MEIS1: variants seen among roughly 807,000 people sequenced by gnomAD.
MEIS1 encodes the protein homeobox protein Meis1.
MEIS1 carries 5 observed loss-of-function variants against 50.8 expected under a neutral mutation model. That is an observed-to-expected ratio of 0.10 (90% CI 0.05 to 0.21). The LOEUF is 0.21. Among genes scored for constraint, MEIS1 ranks in the 10% least tolerant of loss-of-function variants. The pLI is 1.00. For synonymous variants in MEIS1, 176 were observed against 179.3 expected, an observed-to-expected ratio of 0.98 and a Z score of 0.15; for missense variants, 318 against 517.3, an observed-to-expected ratio of 0.61 and a Z score of 3.74.
chr2:66,499,215 T>G (rs1673487710), intron 7 of MEIS1, among the ~76,000 whole-genome samples: 1 of 152,192 alleles, frequency 6.6e-6, no homozygotes, highest in Non-Finnish European at 1.5e-5. Flanking sequence ...TAACAAGTCT[T>G]TATTTTTTTC....
rs1171460609 is a variant in MEIS1, at chr2:66,446,366, G to A, written c.630+3318G>A. On this transcript the variant is annotated intron_variant, in intron 6 of 12. Transcript: ENST00000272369. ...ATTGCGCGCCACTCCTTGAATCTAA[G>A]CATTTTCCACTCCAAGAACGCGTTG... 2.0e-5 allele frequency among the ~76,000 whole-genome samples: 3 copies of A among 152,246 alleles called. No individual in the cohort carries two copies. The East Asian group carries it at 5.8e-4, about 30-fold the overall frequency.
chr2:66,554,397 C>T (rs1170291631), intron 9 of MEIS1, among the ~76,000 whole-genome samples: 2 of 152,186 alleles, frequency 1.3e-5, no homozygotes, highest in African/African-American at 4.8e-5. Context: ...GGACTTGACT[C>T]CCATTTCCCT....
chr2:66,526,706 AT>A (rs1674259368), intron 8 of MEIS1, among the ~76,000 whole-genome samples: 1 of 152,204 alleles, frequency 6.6e-6, no homozygotes, highest in Non-Finnish European at 1.5e-5. Context: ...AAGAATTAAA[AT>A]GACAAACCAA....
At chr2:66,467,063 C>CTA (rs561726419) in intron 7 of MEIS1, among the ~76,000 whole-genome samples, 11 of 151,594 alleles carry the variant, frequency 7.3e-5, no homozygotes, top group Non-Finnish European at 1.0e-4. Flanking sequence ...ATGTAACAGG[C>CTA]TATATATATA....
At chr2:66,480,054 A>G (rs1361562810) in intron 7 of MEIS1, among the ~76,000 whole-genome samples, 1 of 152,198 alleles carries the variant, frequency 6.6e-6, no homozygotes, top group Non-Finnish European at 1.5e-5. Context: ...TAAGAACTCT[A>G]GGTTCCTGGA....
At chr2:66,543,809 A>C (rs2103921701) in intron 8 of MEIS1, among the ~76,000 whole-genome samples, 1 of 152,316 alleles carries the variant, frequency 6.6e-6, no homozygotes, top group African/African-American at 2.4e-5. Context: ...ATTGTTTGCA[A>C]ATAATTAAGC....
chr2:66,493,805 A>G (rs982286674), intron 7 of MEIS1, among the ~76,000 whole-genome samples: 1 of 152,122 alleles, frequency 6.6e-6, no homozygotes, highest in Non-Finnish European at 1.5e-5. Context: ...AAGCCAGCTT[A>G]AAAAAAGATG....
chr2:66,542,422 T>G (rs1250621164), intron 8 of MEIS1, among the ~76,000 whole-genome samples: 1 of 152,160 alleles, frequency 6.6e-6, no homozygotes, highest in African/African-American at 2.4e-5. Flanking sequence ...GTTCTGAAAT[T>G]GTTCTTCCAA....
chr2:66,558,314 A>G (rs1298501300), intron 9 of MEIS1, among the ~76,000 whole-genome samples: 1 of 150,830 alleles, frequency 6.6e-6, no homozygotes, highest in Non-Finnish European at 1.5e-5. Flanking sequence ...AGAAAAAAAG[A>G]AAAGAAAAAG....
chr2:66,520,618 AATTGCTTGGCT>A (rs1400361650), intron 8 of MEIS1, among the ~76,000 whole-genome samples: 1 of 152,206 alleles, frequency 6.6e-6, no homozygotes, highest in East Asian at 1.9e-4. Flanking sequence ...TTCAGCTATT[AATTGCTTGGCT>A]ATTTTGACAT....
At chr2:66,547,092 A>AT (rs1345858338) in intron 8 of MEIS1, among the ~76,000 whole-genome samples, 2 of 152,206 alleles carry the variant, frequency 1.3e-5, no homozygotes, top group Non-Finnish European at 2.9e-5. Context: ...TGGAAACCAT[A>AT]TCCTCAGCTC....
intron 7 of MEIS1, among the ~76,000 whole-genome samples, chr2:66,501,733 C>CT (rs2103831206): frequency 6.6e-6 from 1 of 151,944 alleles, no homozygotes; most frequent in East Asian, 1.9e-4. Context: ...TCTATGAACA[C>CT]TTACATAAAA....
chr2:66,503,412 C>T (rs935776786), intron 7 of MEIS1, among the ~76,000 whole-genome samples: 5 of 152,180 alleles, frequency 3.3e-5, no homozygotes, highest in East Asian at 3.9e-4. Context: ...GCCCACTACA[C>T]GTAGTTGACT....
chr2:66,473,248 C>T (rs959906875), intron 7 of MEIS1, among the ~76,000 whole-genome samples: 2 of 151,010 alleles, frequency 1.3e-5, no homozygotes, highest in South Asian at 2.1e-4. Flanking sequence ...TATAGTGGTG[C>T]GTGCCTGTAA....
intron 12 of MEIS1, chr2:66,570,823 T>C: frequency 6.5e-6 from 1 of 154,498 alleles, no homozygotes; most frequent in Non-Finnish European, 1.4e-5. Flanking sequence ...ATTTTTTTCT[T>C]TTTTTAAGTA....
At chr2:66,554,477 C>T (rs914285150) in intron 9 of MEIS1, among the ~76,000 whole-genome samples, 1 of 152,142 alleles carries the variant, frequency 6.6e-6, no homozygotes, top group African/African-American at 2.4e-5. Context: ...TACGCCTCAT[C>T]CATAGGTGGC....
intron 4 of MEIS1, chr2:66,440,953 T>A: frequency 2.8e-6 from 1 of 360,526 alleles, no homozygotes. Context: ...CTAAGTCCCA[T>A]CACGAGGGCA....
chr2:66,470,264 CAAATT>C (rs1439074983), intron 7 of MEIS1, among the ~76,000 whole-genome samples: 2 of 152,128 alleles, frequency 1.3e-5, no homozygotes, highest in African/African-American at 4.8e-5. Context: ...TGTTGACCTG[CAAATT>C]AAAGTGTGGC....
At chr2:66,508,027 G>A (rs1384035122) in intron 7 of MEIS1, among the ~76,000 whole-genome samples, 1 of 152,176 alleles carries the variant, frequency 6.6e-6, no homozygotes, top group African/African-American at 2.4e-5. Flanking sequence ...ATAAAATTTT[G>A]TAAAAACAAT....
Sources: allele counts gnomAD v4.1 joint callset (sites outside exome capture counted in the v4.1 genomes callset), GRCh38; gene constraint gnomAD v4.1.1; transcripts MANE v1.5; gene names NCBI Gene and HGNC (gene_info 2026-07-23, HGNC 2026-07-21).